Variants in SLC8A2 observed in about 807,000 individuals in gnomAD.
SLC8A2 encodes solute carrier family 8 member A2.
In SLC8A2, 14 loss-of-function variants were observed where a neutral mutation model predicts 70.2. That is an observed-to-expected ratio of 0.20 (90% CI 0.13 to 0.31). The LOEUF is 0.31. SLC8A2 is among the 10% of genes least tolerant of loss of function. The pLI is 1.00. For missense variants in SLC8A2, 779 were observed against 1,320.1 expected, an observed-to-expected ratio of 0.59 and a Z score of 6.35; for synonymous variants, 575 against 594.3, an observed-to-expected ratio of 0.97 and a Z score of 0.47.
Position 47,463,204 on chromosome 19 carries a change from C to T in SLC8A2, c.675+2525G>A, listed in dbSNP as rs1296203401. Among the ~76,000 whole-genome samples the T allele has an allele frequency of 2.0e-5, 3 of 151,756 alleles. No homozygotes were observed. In the East Asian group the frequency reaches 5.9e-4, roughly 30 times the overall value. On this transcript the variant is annotated intron_variant, in intron 2 of 9. Transcript: ENST00000236877. ...CCTGAGTGCAGCGGCGCGATCTTGG[C>T]GCACTGCAAGCTCCGCCTCCCGGGT...
intron 8 of SLC8A2, among the ~76,000 whole-genome samples, chr19:47,433,390 G>T (rs920361002): frequency 6.6e-6 from 1 of 151,884 alleles, no homozygotes; most frequent in African/African-American, 2.4e-5. Context: ...TAAAAATATG[G>T]TATTCACTTT....
chr19:47,465,931 C>A lies in SLC8A2; in HGVS notation c.473G>T (p.Gly158Val). 6.2e-7 allele frequency: 1 copy of A among 1,614,138 alleles called. No individual in the cohort carries two copies. ...CACGATGGTGCCTGGGCCCAGCTCA[C>A]CCGCCTGGAAGTTGTGGCCGCAGAC... ...IEVCGHNFQA[G>V]ELGPGTIVGS... is the part of the protein sequence containing the mutation. The change falls in exon 2 of 10, where the codon GGT (glycine) becomes GTT (valine). Residue 158 changes from glycine (G) to valine (V), a missense_variant. Gly to Val is a moderately radical substitution (Grantham distance 109, BLOSUM62 -3). Coordinates refer to ENST00000236877, the MANE Select transcript of SLC8A2 (RefSeq NM_015063.3). This position sits in a 1 kb window ranked among gnomAD's most constrained non-coding sequence, Gnocchi z 5.5.
At chr19:47,433,708 C>G (rs1838615307) in intron 8 of SLC8A2, among the ~76,000 whole-genome samples, 1 of 151,064 alleles carries the variant, frequency 6.6e-6, no homozygotes, top group South Asian at 2.1e-4. Context: ...GTAGTGTGAT[C>G]TCAGCTTACT....
rs73570303 is a variant in SLC8A2, at chr19:47,455,523, C to T, written c.1340+1407G>A. ...TCACCACTAGTCGCCGGTGCCAGAT[C>T]TGTTTGTTTCTTGCACATAGTAGAC... On this transcript the variant is annotated intron_variant, in intron 3 of 9. Transcript: ENST00000236877. 7.2e-3 allele frequency among the ~76,000 whole-genome samples: 1,089 copies of T among 152,302 alleles called. 16 individuals carry two copies. Among genetic ancestry groups the T allele is most frequent in the African/African-American group, 0.025 (1,023 of 41,564 alleles).
At chr19:47,445,616 A>T (rs1474217276) in intron 4 of SLC8A2, among the ~76,000 whole-genome samples, 1 of 152,002 alleles carries the variant, frequency 6.6e-6, no homozygotes, top group East Asian at 1.9e-4. Flanking sequence ...GTGCCTGCCC[A>T]TCAGAGGAAG....
chr19:47,471,275 G>T (rs944151973), intron 1 of SLC8A2, among the ~76,000 whole-genome samples: 1 of 151,856 alleles, frequency 6.6e-6, no homozygotes, highest in East Asian at 1.9e-4. Flanking sequence ...CAGAGATGGC[G>T]CAAGAGGAAA....
intron 8 of SLC8A2, 106 bp downstream of exon 8, chr19:47,437,356 C>A: frequency 1.2e-6 from 1 of 850,334 alleles, no homozygotes; most frequent in Non-Finnish European, 1.9e-6. Context: ...AGCCACCGCG[C>A]CCGGCCTGTT....
chr19:47,457,713 G>A (rs1381563515), intron 2 of SLC8A2, 119 bp from the exon 3 acceptor site: 2 of 520,572 alleles, frequency 3.8e-6, no homozygotes, highest in African/African-American at 2.4e-5. Context: ...CCCCAACCCC[G>A]CCCCGTCGTC....
In SLC8A2 at chr19:47,466,726, A is replaced by G. The variant is rs1967467523; in HGVS notation, c.-16-307T>C. ...CAATTCAGCAGTTTTGTTCCTCGGT[A>G]TGTGCCTGAGAAATAGGTCCTTATG... On this transcript the variant is annotated intron_variant, in intron 1 of 9. Transcript: ENST00000236877. The surrounding 1 kb of genome is among the most constrained non-coding windows in gnomAD (Gnocchi z 6.9). Among the ~76,000 whole-genome samples, 1 of 152,130 alleles carries G rather than the reference A, an allele frequency of 6.6e-6. No homozygotes were observed.
chr19:47,430,203 C>T lies in SLC8A2; in HGVS notation c.2652G>A (p.Glu884=), dbSNP rs1165145985. The change falls in exon 10 of 10, where the codon GAG becomes GAA. Residue 884 remains glutamate (E), a synonymous_variant. Transcript: ENST00000236877. This position sits in a 1 kb window ranked among gnomAD's most constrained non-coding sequence, Gnocchi z 5.9. ...LYRRRPHIGG[E]LGGPRGPKLA... is the part of the protein sequence containing the mutation. Reference sequence around the variant, plus strand: ...GCTTGGGTCCGCGCGGGCCGCCCAGCTCGCCGCCGATGTGCGGCCGGCGCC... The same window carrying T: ...GCTTGGGTCCGCGCGGGCCGCCCAGTTCGCCGCCGATGTGCGGCCGGCGCC... 1.2e-6 allele frequency: 2 copies of T among 1,604,952 alleles called. No homozygotes were observed. The highest frequency in any genetic ancestry group is 1.7e-4 in the Middle Eastern group (1 of 6,038).
chr19:47,447,459 G>C lies in SLC8A2; in HGVS notation c.1763+350C>G, dbSNP rs1239644420. ...CTGTCCGGCCACCCTTCTAGGCCTC[G>C]CCTCTTCATTTCACAGTCACAACCC... On this transcript the variant is annotated intron_variant, in intron 4 of 9. Coordinates refer to ENST00000236877, the MANE Select transcript of SLC8A2 (RefSeq NM_015063.3). This position sits in a 1 kb window ranked among gnomAD's most constrained non-coding sequence, Gnocchi z 5.1. 1 of 327,146 alleles carries C rather than the reference G, an allele frequency of 3.1e-6. No homozygotes were observed. Among genetic ancestry groups the C allele is most frequent in the East Asian group, 7.3e-5 (1 of 13,728 alleles). 20.3% of individuals were successfully genotyped at this position (327,146 alleles called of 1,614,324 possible). A position where few individuals can be genotyped will look rare whatever the true frequency, so the allele number is the denominator to read the frequency against.
At position 47,457,596 on chromosome 19, in the gene SLC8A2, T is replaced by TGCGGGCG. The variant is rs779238639; in HGVS notation, c.676-9_676-3dup. 7.2e-6 allele frequency: 11 copies of TGCGGGCG among 1,537,642 alleles called. No homozygotes were observed. The highest frequency in any genetic ancestry group is 1.2e-5 in the South Asian group (1 of 80,736). On this transcript the variant is annotated splice_polypyrimidine_tract_variant and splice_region_variant and intron_variant, in intron 2 of 9. Transcript: ENST00000236877. The stretch of plus-strand genomic sequence containing the variant: ...CAGGGTCAGCAGCGCCTCCCACACC[T>TGCGGGCG]GCGGGCGGCGGGCGTCAGGGCGAGG...
rs558854348 is a variant in SLC8A2 at position 47,441,207 on chromosome 19, GCAGA to G, written c.1868-25_1868-22del. ...CAGAGCTGGGGAGAGACAGAGACAG[GCAGA>G]CAGTGAGATCAGTTCCCCACGAAGC... On this transcript the variant is annotated intron_variant, in intron 5 of 9. Coordinates refer to ENST00000236877, the MANE Select transcript of SLC8A2 (RefSeq NM_015063.3). 920 of 1,613,740 alleles carry G rather than the reference GCAGA, an allele frequency of 5.7e-4. 15 individuals carry two copies. In the South Asian group the frequency reaches 6.5e-3, roughly 11 times the overall value.
chr19:47,462,189 C>T (rs945727096), intron 2 of SLC8A2, among the ~76,000 whole-genome samples: 7 of 152,178 alleles, frequency 4.6e-5, no homozygotes, highest in Admixed American at 1.3e-4. Context: ...TGTTCTTATC[C>T]GTGAAAACAC....
In SLC8A2 at chr19:47,466,405, G is replaced by A. The variant is rs1163865962; in HGVS notation, c.-2C>T. On this transcript the variant is annotated 5_prime_UTR_variant, in exon 2 of 10. Transcript: ENST00000236877. This position sits in a 1 kb window ranked among gnomAD's most constrained non-coding sequence, Gnocchi z 6.9. ...CCCCACCAAGGCCAGGGGAGCCATG[G>A]GGGGTGGTGGGGTCCTATGGGGGAG... is the stretch of plus-strand genomic sequence containing the variant. 3.7e-6 allele frequency: 5 copies of A among 1,343,400 alleles called. No homozygotes were observed. The African/African-American group carries it at 7.4e-5, about 20-fold the overall frequency. The allele number at this position is 1,343,400 out of a possible 1,614,324, so 83.2% of individuals were successfully genotyped here.
intron 8 of SLC8A2, among the ~76,000 whole-genome samples, chr19:47,436,772 C>T (rs1455786714): frequency 6.6e-6 from 1 of 152,126 alleles, no homozygotes; most frequent in Non-Finnish European, 1.5e-5. Context: ...CTTCCAAGAC[C>T]GTCAGTGGGT....
chr19:47,430,511 CCACAGGGG>C lies in SLC8A2; in HGVS notation c.2390-54_2390-47del. The C allele has an allele frequency of 6.6e-7, 1 of 1,520,852 alleles. No homozygotes were observed. The highest frequency in any genetic ancestry group is 8.8e-7 in the Non-Finnish European group (1 of 1,138,654). 94.2% of individuals were successfully genotyped at this position (1,520,852 alleles called of 1,614,324 possible). On this transcript the variant is annotated intron_variant, in intron 9 of 9. Transcript: ENST00000236877. The surrounding 1 kb of genome is among the most constrained non-coding windows in gnomAD (Gnocchi z 5.9). ...GGTCGGAGGGGCTTTGCGCCGCCAC[CCACAGGGG>C]CGGGCATCCGCCTGCCCCCTCCCAG...
intron 1 of SLC8A2, among the ~76,000 whole-genome samples, chr19:47,469,827 C>G (rs115345622): frequency 6.6e-6 from 1 of 152,172 alleles, no homozygotes. Context: ...TGGCAGGTAC[C>G]GTCTCCCAGG....
In SLC8A2 at chr19:47,456,912, C is replaced by T. The variant is rs1345276994; in HGVS notation, c.1340+18G>A. On this transcript the variant is annotated intron_variant, in intron 3 of 9. Transcript: ENST00000236877. The stretch of plus-strand genomic sequence containing the variant: ...CCTGCGCCAGCCCCCTGCACACCCC[C>T]CACCCCGGGGGACCCACCTGTACTC... 1 of 1,571,394 alleles carries T rather than the reference C, an allele frequency of 6.4e-7. No individual in the cohort carries two copies. The highest frequency in any genetic ancestry group is 8.6e-7 in the Non-Finnish European group (1 of 1,160,712).
Sources: gnomAD v4.1 joint callset for allele counts (sites outside exome capture counted in the v4.1 genomes callset) on GRCh38, gnomAD v4.1.1 for gene constraint, Gnocchi (gnomAD v3.1) non-coding constraint, MANE v1.5 for transcripts, NCBI Gene and HGNC (gene_info 2026-07-23, HGNC 2026-07-21) for gene names.